Variants in UGT2B7 observed in about 807,000 individuals in gnomAD.
The protein encoded by UGT2B7 is UDP-glucuronosyltransferase 2B7.
Under a neutral mutation model 51.9 loss-of-function variants are expected in UGT2B7, and 51 were observed. The ratio of observed to expected loss-of-function variants is 0.98; its 90% CI spans 0.78 to 1.24. The LOEUF is 1.24. UGT2B7 is among the 50% of genes most tolerant of loss of function. The pLI is 0.00. For synonymous variants in UGT2B7, 225 were observed against 211.6 expected (o/e 1.06, Z -0.55); for missense variants, 727 against 628.4 (o/e 1.16, Z -1.68).
chr4:69,094,692 T>G (rs1719173417), upstream of UGT2B7, among the ~76,000 whole-genome samples: 1 of 152,316 alleles, frequency 6.6e-6, no homozygotes, highest in East Asian at 1.9e-4. Context: ...TGGCAATTTC[T>G]TAAAAATAAG....
chr4:69,064,019 G>GGGAAGAAA (rs1718415426), intron 1 of UGT2B7, among the ~76,000 whole-genome samples: 1 of 60,152 alleles, frequency 1.7e-5, no homozygotes, highest in African/African-American at 6.1e-5. Context: ...AGATGAGATG[G>GGGAAGAAA]GAAAGAAAGA....
chr4:69,107,982 G>A lies in UGT2B7; in HGVS notation c.1091-121G>A, dbSNP rs536762972. ...GTACGTGTTTTTTCCTCCGAAGTCT[G>A]AAACACAATTTTAATTTAGTTCAGT... is the stretch of plus-strand genomic sequence containing the variant. On this transcript the variant is annotated intron_variant, in intron 4 of 5. Coordinates refer to ENST00000305231, the MANE Select transcript of UGT2B7 (RefSeq NM_001074.4). 9.8e-6 allele frequency: 13 copies of A among 1,332,740 alleles called. No individual in the cohort carries two copies. In the African/African-American group the frequency reaches 1.8e-4, roughly 18 times the overall value. 82.6% of individuals were successfully genotyped at this position (1,332,740 alleles called of 1,614,324 possible). A position where few individuals can be genotyped will look rare whatever the true frequency, so the allele number is the denominator to read the frequency against.
upstream of UGT2B7, among the ~76,000 whole-genome samples, chr4:69,091,794 G>A (rs1440658546): frequency 6.6e-6 from 1 of 152,120 alleles, no homozygotes; most frequent in Non-Finnish European, 1.5e-5. Context: ...ATAGAAAGGG[G>A]CCACAAAGTA....
At chr4:69,085,223 TGAC>T in intron 1 of UGT2B7, among the ~76,000 whole-genome samples, 1 of 152,310 alleles carries the variant, frequency 6.6e-6, no homozygotes, top group East Asian at 1.9e-4. Flanking sequence ...ATGATAATGA[TGAC>T]GAGCTTTTTT....
At position 69,096,850 on chromosome 4, in the gene UGT2B7, A is replaced by T. The variant is rs1719247125; in HGVS notation, c.330A>T (p.Ser110=). Residue 110 remains serine, a synonymous_variant, in exon 1 of 6, where the codon TCA becomes TCT. Coordinates refer to ENST00000305231, the MANE Select transcript of UGT2B7 (RefSeq NM_001074.4). ...AAGATACATTTTGGTTATATTTTTCACAAGTACAGGAAATCATGTCAATAT... is the reference window on the plus strand; with the variant it reads ...AAGATACATTTTGGTTATATTTTTCTCAAGTACAGGAAATCATGTCAATAT... ...LPKDTFWLYF[S]QVQEIMSIFG... is the part of the protein sequence containing the mutation. 4.3e-6 allele frequency: 7 copies of T among 1,613,742 alleles called. No homozygotes were observed. Among genetic ancestry groups the T allele is most frequent in the Non-Finnish European group, 5.1e-6 (6 of 1,179,868 alleles).
intron 1 of UGT2B7, among the ~76,000 whole-genome samples, chr4:69,082,720 G>A (rs1718866332): frequency 6.6e-6 from 1 of 152,104 alleles, no homozygotes; most frequent in Admixed American, 6.6e-5. Flanking sequence ...AAAGTAGCAA[G>A]TGCCAATGTA....
chr4:69,060,210 G>A (rs980944646), intron 1 of UGT2B7, among the ~76,000 whole-genome samples: 10 of 152,198 alleles, frequency 6.6e-5, no homozygotes, highest in Admixed American at 1.3e-4. Context: ...AGGATATAAA[G>A]TGTCAGGGAA....
intron 1 of UGT2B7, among the ~76,000 whole-genome samples, chr4:69,075,583 T>C (rs1406652431): frequency 1.3e-5 from 2 of 152,104 alleles, no homozygotes; most frequent in African/African-American, 4.8e-5. Context: ...TGTAAATAAA[T>C]GACCTTCAGA....
chr4:69,078,467 A>G (rs1577913711), intron 1 of UGT2B7, among the ~76,000 whole-genome samples: 1 of 152,112 alleles, frequency 6.6e-6, no homozygotes, highest in East Asian at 1.9e-4. Context: ...TACTGCCTCA[A>G]TTTCAGAACT....
At chr4:69,070,894 C>T (rs971275956) in intron 1 of UGT2B7, among the ~76,000 whole-genome samples, 1 of 152,030 alleles carries the variant, frequency 6.6e-6, no homozygotes, top group Non-Finnish European at 1.5e-5. Flanking sequence ...TAGATGTTTC[C>T]AATTCATATC....
intron 1 of UGT2B7, among the ~76,000 whole-genome samples, chr4:69,056,561 G>A (rs1382191844): frequency 6.6e-6 from 1 of 152,228 alleles, no homozygotes; most frequent in African/African-American, 2.4e-5. Flanking sequence ...CCATGCAAGT[G>A]TGGCACGGAC....
At chr4:69,104,262 G>A (rs1357136242) in intron 3 of UGT2B7, among the ~76,000 whole-genome samples, 1 of 152,090 alleles carries the variant, frequency 6.6e-6, no homozygotes, top group Admixed American at 6.5e-5. Context: ...ACTCCAGCCT[G>A]GGCAAACCCC....
chr4:69,063,607 T>A (rs1292813400), intron 1 of UGT2B7, among the ~76,000 whole-genome samples: 1 of 152,126 alleles, frequency 6.6e-6, no homozygotes, highest in Non-Finnish European at 1.5e-5. Context: ...AAGTTGAGCC[T>A]GATGAATTGC....
intron 1 of UGT2B7, 104 bp from the exon 2 acceptor site, chr4:69,098,436 G>T: frequency 7.5e-7 from 1 of 1,335,572 alleles, no homozygotes; most frequent in South Asian, 1.4e-5. Flanking sequence ...TCAAAGCACA[G>T]ATATTTGCCT....
chr4:69,072,797 GT>G (rs1415145570), intron 1 of UGT2B7, among the ~76,000 whole-genome samples: 1 of 152,072 alleles, frequency 6.6e-6, no homozygotes, highest in Non-Finnish European at 1.5e-5. Flanking sequence ...TCCTGATTCA[GT>G]ATCATAAAGT....
intron 2 of UGT2B7, among the ~76,000 whole-genome samples, chr4:69,102,442 C>T (rs1719449898): frequency 6.6e-6 from 1 of 152,084 alleles, no homozygotes; most frequent in Non-Finnish European, 1.5e-5. Context: ...TGAGTGGTCC[C>T]ACTTTCCAAG....
At chr4:69,056,044 A>G (rs1158602345) in intron 1 of UGT2B7, among the ~76,000 whole-genome samples, 1 of 151,776 alleles carries the variant, frequency 6.6e-6, no homozygotes, top group East Asian at 2.1e-4. Context: ...CACAGAGCTT[A>G]TGCTAAGCTG....
chr4:69,070,055 C>G (rs943704280), intron 1 of UGT2B7, among the ~76,000 whole-genome samples: 8 of 151,692 alleles, frequency 5.3e-5, no homozygotes, highest in African/African-American at 1.9e-4. Flanking sequence ...ATGTAAGGTA[C>G]AATTTTAATT....
intron 3 of UGT2B7, 38 bp downstream of exon 3, chr4:69,102,976 A>C: frequency 6.3e-7 from 1 of 1,592,554 alleles, no homozygotes; most frequent in Non-Finnish European, 8.5e-7. Flanking sequence ...AAAACTACTG[A>C]AAGAGGCTGT....
Sources: allele counts gnomAD v4.1 joint callset (sites outside exome capture counted in the v4.1 genomes callset), GRCh38; gene constraint gnomAD v4.1.1; transcripts MANE v1.5; gene names NCBI Gene and HGNC (gene_info 2026-07-23, HGNC 2026-07-21).